The following LRRC4C variants were observed in gnomAD, a reference collection of about 807,000 sequenced individuals.
LRRC4C encodes leucine rich repeat containing 4C.
A neutral mutation model predicts 33.6 loss-of-function variants in LRRC4C; 5 were observed. That is an observed-to-expected ratio of 0.15 (90% CI 0.08 to 0.31). The LOEUF (loss-of-function observed/expected upper bound fraction) is 0.31, where lower values mean the gene tolerates loss of function less well. Among genes scored for constraint, LRRC4C ranks in the 10% least tolerant of loss-of-function variants. The pLI is 1.00. For synonymous variants in LRRC4C, 329 were observed against 302.0 expected (o/e 1.09, Z -0.93); for missense variants, 560 against 796.7 (o/e 0.70, Z 3.58).
chr11:40,158,920 C>T (rs1355453907), intron 5 of LRRC4C, among the ~76,000 whole-genome samples: 1 of 152,150 alleles, frequency 6.6e-6, no homozygotes, highest in Admixed American at 6.5e-5. Context: ...ATGAAACTTC[C>T]TGGTTGATTA....
chr11:41,088,418 A>G (rs1940162222), intron 1 of LRRC4C, among the ~76,000 whole-genome samples: 3 of 151,734 alleles, frequency 2.0e-5, no homozygotes, highest in Admixed American at 1.3e-4. Context: ...TCAGTAAAGA[A>G]TTATAGTTGT....
At chr11:40,266,846 T>C (rs1942297000) in intron 4 of LRRC4C, among the ~76,000 whole-genome samples, 1 of 152,136 alleles carries the variant, frequency 6.6e-6, no homozygotes, top group South Asian at 2.1e-4. Context: ...GTCTCTAATA[T>C]TCATGTTCGT....
chr11:40,431,807 A>G (rs1347466575), intron 3 of LRRC4C, among the ~76,000 whole-genome samples: 1 of 152,168 alleles, frequency 6.6e-6, no homozygotes, highest in Non-Finnish European at 1.5e-5. Flanking sequence ...AATGACACAA[A>G]ATTGAATATG....
intron 2 of LRRC4C, among the ~76,000 whole-genome samples, chr11:40,874,228 A>G (rs994404574): frequency 2.0e-5 from 3 of 152,164 alleles, no homozygotes; most frequent in Non-Finnish European, 4.4e-5. Context: ...CAAAAAACAA[A>G]CCTCATAGCT....
At chr11:40,484,806 T>G (rs1031065573) in intron 3 of LRRC4C, among the ~76,000 whole-genome samples, 1 of 152,038 alleles carries the variant, frequency 6.6e-6, no homozygotes, top group Non-Finnish European at 1.5e-5. Context: ...ACAAAAATCC[T>G]GCTAAGAAAT....
chr11:41,018,113 T>C (rs1465524714), intron 1 of LRRC4C, among the ~76,000 whole-genome samples: 1 of 152,166 alleles, frequency 6.6e-6, no homozygotes, highest in South Asian at 2.1e-4. Flanking sequence ...GTTATTTATT[T>C]CTCCCATTAA....
intron 1 of LRRC4C, among the ~76,000 whole-genome samples, chr11:41,458,473 T>C (rs1026237164): frequency 7.3e-5 from 11 of 150,400 alleles, no homozygotes; most frequent in African/African-American, 2.4e-4. Context: ...GATATTTTGC[T>C]TTAATTAAAT....
chr11:40,732,482 T>G (rs1464357312), intron 2 of LRRC4C, among the ~76,000 whole-genome samples: 1 of 152,164 alleles, frequency 6.6e-6, no homozygotes, highest in Non-Finnish European at 1.5e-5. Flanking sequence ...AAGTGTAAAT[T>G]CAAGCAGTTG....
chr11:40,485,032 T>C (rs139677532), intron 3 of LRRC4C, among the ~76,000 whole-genome samples: 1 of 152,180 alleles, frequency 6.6e-6, no homozygotes, highest in East Asian at 1.9e-4. Context: ...ATCCAGATCT[T>C]TCTTGATTAC....
At chr11:40,347,275 A>G (rs945100945) in intron 3 of LRRC4C, among the ~76,000 whole-genome samples, 4 of 152,192 alleles carry the variant, frequency 2.6e-5, no homozygotes, top group Non-Finnish European at 2.9e-5. Flanking sequence ...AAACCTTATG[A>G]ACCAATCTCT....
At chr11:41,273,917 A>G (rs1949397824) in intron 1 of LRRC4C, among the ~76,000 whole-genome samples, 2 of 152,190 alleles carry the variant, frequency 1.3e-5, no homozygotes, top group Non-Finnish European at 2.9e-5. Flanking sequence ...CAAAACTTTA[A>G]ATAGAAAAAG....
chr11:40,420,100 G>A (rs1950470100), intron 3 of LRRC4C, among the ~76,000 whole-genome samples: 1 of 152,192 alleles, frequency 6.6e-6, no homozygotes, highest in East Asian at 1.9e-4. Context: ...TTAAATGAAA[G>A]GAATGAATAA....
intron 1 of LRRC4C, among the ~76,000 whole-genome samples, chr11:41,342,738 A>C (rs1343670874): frequency 2.0e-5 from 3 of 152,110 alleles, no homozygotes; most frequent in African/African-American, 7.2e-5. Context: ...TATACAAACA[A>C]ACAAAAAACT....
chr11:41,411,140 C>CTTTTTTTTTTTTTTTTTTTTT (rs1249968357), intron 1 of LRRC4C, among the ~76,000 whole-genome samples: 9 of 49,906 alleles, frequency 1.8e-4, no homozygotes, highest in African/African-American at 6.3e-4. Context: ...GGTTGGTACC[C>CTTTTTTTTTTTTTTTTTTTTT]TATTTTTTTT....
chr11:40,621,540 C>CTT (rs35143072), intron 3 of LRRC4C, among the ~76,000 whole-genome samples: 27 of 151,376 alleles, frequency 1.8e-4, no homozygotes, highest in East Asian at 3.9e-4. Flanking sequence ...AGGCAAGTTG[C>CTT]TTTTTTTGCC....
At chr11:41,093,340 T>C (rs1940565481) in intron 1 of LRRC4C, among the ~76,000 whole-genome samples, 2 of 152,226 alleles carry the variant, frequency 1.3e-5, no homozygotes, top group South Asian at 4.1e-4. Flanking sequence ...CCTTCATAAC[T>C]GTATTCAGAG....
intron 1 of LRRC4C, among the ~76,000 whole-genome samples, chr11:41,359,103 A>T (rs1334875744): frequency 5.9e-5 from 9 of 151,954 alleles, no homozygotes; most frequent in Non-Finnish European, 1.3e-4. Context: ...AAGACTAAAT[A>T]CTGGATTCCA....
At chr11:40,162,162 G>GAA (rs201840630) in intron 5 of LRRC4C, among the ~76,000 whole-genome samples, 1 of 133,144 alleles carries the variant, frequency 7.5e-6, no homozygotes, top group Non-Finnish European at 1.6e-5. Flanking sequence ...GGTTCCAGAA[G>GAA]AAAAAAAAAA....
intron 5 of LRRC4C, among the ~76,000 whole-genome samples, chr11:40,172,276 C>G (rs370707536): frequency 1.4e-4 from 22 of 152,116 alleles, no homozygotes; most frequent in Admixed American, 2.6e-4. Flanking sequence ...CACAAATGGA[C>G]TAAGACATAC....
Sources: gnomAD v4.1 joint callset for allele counts (sites outside exome capture counted in the v4.1 genomes callset) on GRCh38, gnomAD v4.1.1 for gene constraint, MANE v1.5 for transcripts, NCBI Gene and HGNC (gene_info 2026-07-23, HGNC 2026-07-21) for gene names.